CNTNAP2: variants seen among roughly 807,000 people sequenced by gnomAD.
CNTNAP2 encodes the protein contactin associated protein 2, also known as contactin-associated protein-like 2.
CNTNAP2 carries 98 observed loss-of-function variants against 155.2 expected under a neutral mutation model. The observed-to-expected ratio is 0.63, with a 90% CI of 0.54 to 0.75. CNTNAP2 has a LOEUF of 0.75. Among genes scored for constraint, CNTNAP2 ranks in the 30% least tolerant of loss-of-function variants. The pLI is 0.00. For synonymous variants in CNTNAP2, 651 were observed against 631.2 expected (o/e 1.03, Z -0.47); for missense variants, 1,727 against 1,688.1 (o/e 1.02, Z -0.40).
chr7:148,274,218 T>G (rs1217314008), intron 21 of CNTNAP2, among the ~76,000 whole-genome samples: 1 of 152,068 alleles, frequency 6.6e-6, no homozygotes, highest in African/African-American at 2.4e-5. Context: ...CAGAAAACTC[T>G]TGACTTGTGA....
At chr7:146,593,869 G>A (rs1256457485) in intron 1 of CNTNAP2, among the ~76,000 whole-genome samples, 1 of 152,154 alleles carries the variant, frequency 6.6e-6, no homozygotes, top group African/African-American at 2.4e-5. Flanking sequence ...ATTGCAGTAA[G>A]AATCTTGCAG....
At chr7:146,612,002 A>T (rs1024623758) in intron 1 of CNTNAP2, among the ~76,000 whole-genome samples, 1 of 152,182 alleles carries the variant, frequency 6.6e-6, no homozygotes, top group Admixed American at 6.5e-5. Context: ...TCGATGAGTC[A>T]AGGGGATAAA....
intron 1 of CNTNAP2, among the ~76,000 whole-genome samples, chr7:146,639,431 C>T (rs914415918): frequency 6.6e-6 from 1 of 151,288 alleles, no homozygotes; most frequent in Non-Finnish European, 1.5e-5. Flanking sequence ...CTCATGGAAT[C>T]CCCACAAGTA....
chr7:146,398,023 G>A (rs1025209977), intron 1 of CNTNAP2, among the ~76,000 whole-genome samples: 3 of 151,564 alleles, frequency 2.0e-5, no homozygotes, highest in Non-Finnish European at 4.4e-5. Context: ...TCAGGCACAC[G>A]CCACCACACC....
At chr7:146,656,110 G>A (rs1029251368) in intron 1 of CNTNAP2, among the ~76,000 whole-genome samples, 5 of 152,170 alleles carry the variant, frequency 3.3e-5, no homozygotes, top group Non-Finnish European at 5.9e-5. Context: ...GAGTAAAACC[G>A]CAACCCGGTT....
At chr7:146,842,876 G>A (rs1233959070) in intron 3 of CNTNAP2, among the ~76,000 whole-genome samples, 60 of 150,548 alleles carry the variant, frequency 4.0e-4, no homozygotes, top group Non-Finnish European at 4.9e-4. Context: ...TAGTAGAGAC[G>A]GGGTTTCACC....
At chr7:146,227,390 A>T (rs978496885) in intron 1 of CNTNAP2, among the ~76,000 whole-genome samples, 1 of 146,564 alleles carries the variant, frequency 6.8e-6, no homozygotes, top group Non-Finnish European at 1.5e-5. Flanking sequence ...GTGCCACTGC[A>T]CTCCAGCCTG....
At chr7:146,486,020 C>T (rs1191157383) in intron 1 of CNTNAP2, among the ~76,000 whole-genome samples, 1 of 137,800 alleles carries the variant, frequency 7.3e-6, no homozygotes, top group Non-Finnish European at 1.5e-5. Context: ...ACAAGGAAAC[C>T]AAAAATGTAC....
chr7:147,473,028 G>C lies in CNTNAP2; in HGVS notation c.1671-12907G>C, dbSNP rs554293268. On this transcript the variant is annotated intron_variant, in intron 10 of 23. Transcript: ENST00000361727. ...AGAACTCAGAGTTGAGGCAGTTAAG[G>C]AGGGGCCAGGAAGAAACAGGGATCA... Among the ~76,000 whole-genome samples, 11 of 152,294 alleles carry C rather than the reference G, an allele frequency of 7.2e-5. No homozygotes were observed. In the South Asian group the frequency reaches 2.1e-3, roughly 29 times the overall value.
intron 1 of CNTNAP2, among the ~76,000 whole-genome samples, chr7:146,728,829 A>C (rs1365982497): frequency 6.6e-6 from 1 of 152,132 alleles, no homozygotes; most frequent in Non-Finnish European, 1.5e-5. Context: ...TCAGGTCAGA[A>C]CCAGGCAGGG....
chr7:148,350,588 C>A (rs1798410222), intron 21 of CNTNAP2, among the ~76,000 whole-genome samples: 1 of 152,186 alleles, frequency 6.6e-6, no homozygotes, highest in Non-Finnish European at 1.5e-5. Flanking sequence ...ACAAAGTGCA[C>A]TTCAGTTGAA....
At chr7:146,457,844 TTTTA>T (rs1335198368) in intron 1 of CNTNAP2, among the ~76,000 whole-genome samples, 1 of 152,026 alleles carries the variant, frequency 6.6e-6, no homozygotes, top group Non-Finnish European at 1.5e-5. Context: ...AAATTATTAT[TTTTA>T]TTTATTTCTC....
intron 10 of CNTNAP2, among the ~76,000 whole-genome samples, chr7:147,449,468 G>A (rs1431750435): frequency 1.3e-5 from 2 of 152,124 alleles, no homozygotes; most frequent in African/African-American, 4.8e-5. Flanking sequence ...ATCCTGGCAA[G>A]ACGGAGCTGA....
intron 16 of CNTNAP2, among the ~76,000 whole-genome samples, chr7:148,126,061 G>T (rs1804711530): frequency 6.6e-6 from 1 of 152,098 alleles, no homozygotes; most frequent in Admixed American, 6.5e-5. Context: ...ATATGCTGTG[G>T]TTACTTAGAT....
rs540015368 is a variant in CNTNAP2 at position 147,830,425 on chromosome 7, C to A, written c.2099-73140C>A. ...TGCATCTCATGACCTACTTCCCCCC[C>A]AAAAGGCCCCACTTCCTAACATCAC... On this transcript the variant is annotated intron_variant, in intron 13 of 23. Coordinates refer to ENST00000361727, the MANE Select transcript of CNTNAP2 (RefSeq NM_014141.6). 9.2e-5 allele frequency among the ~76,000 whole-genome samples: 14 copies of A among 152,204 alleles called. No individual in the cohort carries two copies. In the East Asian group the frequency reaches 1.9e-3, roughly 21 times the overall value.
intron 1 of CNTNAP2, among the ~76,000 whole-genome samples, chr7:146,370,716 C>T (rs1795222481): frequency 6.6e-6 from 1 of 151,976 alleles, no homozygotes; most frequent in African/African-American, 2.4e-5. Flanking sequence ...CCAAAGGAAA[C>T]CACAAAATAA....
intron 1 of CNTNAP2, among the ~76,000 whole-genome samples, chr7:146,706,335 C>G (rs966536825): frequency 6.6e-6 from 1 of 151,906 alleles, no homozygotes; most frequent in African/African-American, 2.4e-5. Context: ...GACAGTTAGG[C>G]ATTAAGAAAG....
chr7:146,906,240 T>G (rs1796122692), intron 3 of CNTNAP2, among the ~76,000 whole-genome samples: 1 of 152,176 alleles, frequency 6.6e-6, no homozygotes, highest in Non-Finnish European at 1.5e-5. Context: ...CGCCCGCCAT[T>G]GCCCAGGCTT....
intron 17 of CNTNAP2, among the ~76,000 whole-genome samples, chr7:148,166,134 T>G (rs1399718350): frequency 6.6e-6 from 1 of 151,912 alleles, no homozygotes; most frequent in Non-Finnish European, 1.5e-5. Context: ...CAGCTAACCC[T>G]GCTTGACTTT....
Sources: allele counts gnomAD v4.1 joint callset (sites outside exome capture counted in the v4.1 genomes callset), GRCh38; gene constraint gnomAD v4.1.1; transcripts MANE v1.5; gene names NCBI Gene and HGNC (gene_info 2026-07-23, HGNC 2026-07-21).